Variants in SCLY observed in about 807,000 individuals in gnomAD.
The protein encoded by SCLY is putative selenocysteine lyase.
Under a neutral mutation model 50.1 loss-of-function variants are expected in SCLY, and 38 were observed. The observed-to-expected ratio is 0.76, with a 90% CI of 0.59 to 0.99. The LOEUF (loss-of-function observed/expected upper bound fraction) is 0.99, where lower values mean the gene tolerates loss of function less well. Ranked by LOEUF, SCLY falls within the 50% of genes least tolerant of loss-of-function variation. SCLY has a pLI of 0.00. For synonymous variants in SCLY, 243 were observed against 249.4 expected (o/e 0.97, Z 0.24); for missense variants, 600 against 620.0 (o/e 0.97, Z 0.34).
At chr2:238,071,963 A>G (rs965240638) in intron 4 of SCLY, among the ~76,000 whole-genome samples, 3 of 151,956 alleles carry the variant, frequency 2.0e-5, no homozygotes, top group Non-Finnish European at 4.4e-5. Context: ...TCACCACTAT[A>G]TTTTTCAGTT....
At chr2:238,061,398 G>C (rs749457334) in intron 1 of SCLY, 1 of 653,844 alleles carries the variant, frequency 1.5e-6, no homozygotes, top group Non-Finnish European at 2.9e-6. Flanking sequence ...GAGGTTTGCA[G>C]GTTCTGGGGA....
chr2:238,070,146 G>A (rs2065114025), intron 4 of SCLY, among the ~76,000 whole-genome samples: 1 of 152,210 alleles, frequency 6.6e-6, no homozygotes, highest in African/African-American at 2.4e-5. Context: ...CAGAGCCACA[G>A]AGTCATAGGA....
chr2:238,084,848 C>T (rs949172086), intron 7 of SCLY, among the ~76,000 whole-genome samples: 8 of 145,930 alleles, frequency 5.5e-5, no homozygotes, highest in East Asian at 2.0e-4. Context: ...GAGTCGAGAT[C>T]GCACCACTGC....
Position 238,064,415 on chromosome 2 carries a change from A to G in SCLY, c.148A>G (p.Met50Val), listed in dbSNP as rs748004016. 9 of 1,612,078 alleles carry G rather than the reference A, an allele frequency of 5.6e-6. No individual in the cohort carries two copies. In the East Asian group the frequency reaches 2.0e-4, roughly 36 times the overall value. Residue 50 changes from methionine to valine, a missense_variant, in exon 2 of 12, where the codon ATG (methionine) becomes GTG (valine). Coordinates refer to ENST00000254663, the MANE Select transcript of SCLY (RefSeq NM_016510.7). ...TPLEPEVIQA[M>V]TKAMWEAWGN... is the part of the protein sequence containing the mutation. ...CCTGGAGCCAGAAGTTATCCAGGCC[A>G]TGACCAAGGCCATGTGGGAAGCCTG... is the stretch of plus-strand genomic sequence containing the variant.
intron 10 of SCLY, among the ~76,000 whole-genome samples, chr2:238,095,227 TG>T (rs1302707615): frequency 2.0e-5 from 3 of 152,112 alleles, no homozygotes; most frequent in Admixed American, 1.3e-4. Context: ...CAAAAATAAC[TG>T]GCAGAGTAAG....
At chr2:238,084,522 C>A (rs1369195980) in intron 7 of SCLY, among the ~76,000 whole-genome samples, 2 of 138,172 alleles carry the variant, frequency 1.4e-5, no homozygotes, top group Non-Finnish European at 3.0e-5. Flanking sequence ...ACCCGGGAGG[C>A]TGAGGTTGCA....
At chr2:238,061,410 G>A (rs2065017073) in intron 1 of SCLY, 3 of 629,602 alleles carry the variant, frequency 4.8e-6, no homozygotes, top group Non-Finnish European at 5.9e-6. Flanking sequence ...TTCTGGGGAA[G>A]CAGAGCCTGC....
intron 7 of SCLY, among the ~76,000 whole-genome samples, chr2:238,086,704 T>G (rs2065301128): frequency 2.1e-5 from 1 of 48,214 alleles, no homozygotes; most frequent in Non-Finnish European, 4.5e-5. Context: ...AGACCCTGTC[T>G]CTTTAAAAAA....
chr2:238,063,225 G>A (rs2065034491), intron 1 of SCLY, among the ~76,000 whole-genome samples: 1 of 151,458 alleles, frequency 6.6e-6, no homozygotes, highest in African/African-American at 2.4e-5. Flanking sequence ...ATAGGTGGCT[G>A]CAGTTTTGTG....
intron 8 of SCLY, 70 bp from the exon 9 acceptor site, chr2:238,093,791 G>C: frequency 3.5e-6 from 5 of 1,425,136 alleles, no homozygotes; most frequent in Non-Finnish European, 4.9e-6. Context: ...CACCTGTACC[G>C]TTGAAAGCTT....
chr2:238,095,558 C>A (rs921082174), intron 10 of SCLY: 1 of 152,170 alleles, frequency 6.6e-6, no homozygotes, highest in African/African-American at 2.4e-5. Context: ...ATGATGGCTG[C>A]GTTCATGAGA....
In SCLY at chr2:238,081,726, G is replaced by A; in HGVS notation, c.502G>A (p.Val168Met). The change falls in exon 5 of 12, where the codon GTG becomes ATG. Residue 168 changes from valine to methionine, a missense_variant. Physicochemically the swap from Val to Met is conservative, Grantham distance 21 (BLOSUM62 1). Coordinates refer to ENST00000254663, the MANE Select transcript of SCLY (RefSeq NM_016510.7). ...EQVAAVTFVP[V>M]SKVSGQAEVD... The stretch of plus-strand genomic sequence containing the variant: ...TTTCCCAGCGGTCACCTTTGTCCCG[G>A]TGTCCAAGGTGAGCGGGCAGGCAGA... The A allele has an allele frequency of 6.2e-7, 1 of 1,614,170 alleles. No homozygotes were observed. The highest frequency in any genetic ancestry group is 1.7e-5 in the Admixed American group (1 of 60,016).
intron 4 of SCLY, among the ~76,000 whole-genome samples, chr2:238,072,980 A>T (rs1247052405): frequency 6.6e-6 from 1 of 152,136 alleles, no homozygotes; most frequent in African/African-American, 2.4e-5. Context: ...TTCTTCTAAG[A>T]GTTTTATAGT....
Position 238,061,109 on chromosome 2 carries a change from C to A in SCLY, c.55C>A (p.Pro19Thr). The change falls in exon 1 of 12, where the codon CCC becomes ACC. Residue 19 changes from proline to threonine, a missense_variant. Coordinates refer to ENST00000254663, the MANE Select transcript of SCLY (RefSeq NM_016510.7). ...TGCGCCGGCACCCGCGGCGAGTCAG[C>A]CCAGCGGCTGCGGGAAACACAACTC... ...RDAPAPAASQ[P>T]SGCGKHNSPE... 6.9e-7 allele frequency: 1 copy of A among 1,442,984 alleles called. No homozygotes were observed. 89.4% of individuals were successfully genotyped at this position (1,442,984 alleles called of 1,614,324 possible).
intron 2 of SCLY, among the ~76,000 whole-genome samples, chr2:238,065,778 G>A (rs917228804): frequency 1.3e-5 from 2 of 151,710 alleles, no homozygotes; most frequent in African/African-American, 2.4e-5. Context: ...GGATTCAAGC[G>A]ATTCTTCTGC....
intron 7 of SCLY, among the ~76,000 whole-genome samples, chr2:238,084,070 C>T (rs903583282): frequency 4.6e-5 from 7 of 152,250 alleles, no homozygotes; most frequent in African/African-American, 1.2e-4. Flanking sequence ...TGTGCTGCCA[C>T]GCCTATCCAC....
At chr2:238,096,942 G>A in intron 11 of SCLY, 66 bp downstream of exon 11, 1 of 1,456,994 alleles carries the variant, frequency 6.9e-7, no homozygotes, top group Admixed American at 2.2e-5. Context: ...GTGGTGGGCA[G>A]GCGGCAGGAT....
At position 238,069,873 on chromosome 2, in the gene SCLY, T is replaced by C. The variant is rs904977553; in HGVS notation, c.484+396T>C. The stretch of plus-strand genomic sequence containing the variant: ...CAAATAGGCAAATGATGCTTGTCAT[T>C]ATTTGGTTTTCATCATAAAATCTCA... On this transcript the variant is annotated intron_variant, in intron 4 of 11. Transcript: ENST00000254663. This position sits in a 1 kb window ranked among gnomAD's most constrained non-coding sequence, Gnocchi z 5.0. The C allele has an allele frequency of 5.6e-5, 9 of 159,434 alleles. No homozygotes were observed. In the South Asian group the frequency reaches 1.8e-3, roughly 32 times the overall value. The allele number at this position is 159,434 out of a possible 1,614,324, so 9.9% of individuals were successfully genotyped here. A position where few individuals can be genotyped will look rare whatever the true frequency, so the allele number is the denominator to read the frequency against.
chr2:238,062,503 G>A (rs1195086749), intron 1 of SCLY, among the ~76,000 whole-genome samples: 2 of 152,082 alleles, frequency 1.3e-5, no homozygotes, highest in Admixed American at 6.5e-5. Flanking sequence ...TCCACTGCCC[G>A]GGTTCAAACG....
Sources: allele counts gnomAD v4.1 joint callset (sites outside exome capture counted in the v4.1 genomes callset), GRCh38; gene constraint gnomAD v4.1.1; non-coding constraint Gnocchi (gnomAD v3.1); transcripts MANE v1.5; gene names NCBI Gene and HGNC (gene_info 2026-07-23, HGNC 2026-07-21).